The following ADAMTSL3 variants were observed in gnomAD, a reference collection of about 807,000 sequenced individuals.
ADAMTSL3 encodes ADAMTS like 3, also known as ADAMTS-like protein 3.
ADAMTSL3 carries 128 observed loss-of-function variants against 201.7 expected under a neutral mutation model. That is an observed-to-expected ratio of 0.63 (90% confidence interval 0.55 to 0.73). The LOEUF (loss-of-function observed/expected upper bound fraction) is 0.73, where lower values mean the gene tolerates loss of function less well. Ranked by LOEUF, ADAMTSL3 falls within the 30% of genes least tolerant of loss-of-function variation. The pLI is 0.00. For missense variants in ADAMTSL3, 1,990 were observed against 2,119.6 expected (o/e 0.94, Z 1.20); for synonymous variants, 738 against 748.4 (o/e 0.99, Z 0.23).
At chr15:84,005,863 A>G (rs1272597165) in intron 23 of ADAMTSL3, among the ~76,000 whole-genome samples, 1 of 152,230 alleles carries the variant, frequency 6.6e-6, no homozygotes, top group African/African-American at 2.4e-5. Context: ...TCTAAACATG[A>G]GTTTACTAGA....
At chr15:83,940,230 G>A (rs556478268) in intron 17 of ADAMTSL3, among the ~76,000 whole-genome samples, 11 of 152,290 alleles carry the variant, frequency 7.2e-5, no homozygotes, top group South Asian at 2.1e-4. Context: ...AGATTACAGC[G>A]TACTTTCTAA....
chr15:84,010,597 C>A (rs2067990816), intron 23 of ADAMTSL3, among the ~76,000 whole-genome samples: 2 of 152,040 alleles, frequency 1.3e-5, no homozygotes, highest in Non-Finnish European at 2.9e-5. Flanking sequence ...TAAAAGAATT[C>A]TGGTCATAGA....
At chr15:83,692,030 A>G (rs1015966367) in intron 2 of ADAMTSL3, among the ~76,000 whole-genome samples, 3 of 152,236 alleles carry the variant, frequency 2.0e-5, no homozygotes, top group Admixed American at 2.0e-4. Flanking sequence ...ACCTTAAAAT[A>G]TGCCAACTTA....
chr15:83,826,016 C>T (rs1414333076), intron 6 of ADAMTSL3, among the ~76,000 whole-genome samples: 2 of 152,110 alleles, frequency 1.3e-5, no homozygotes, highest in Admixed American at 6.6e-5. Context: ...AGGATCTAGC[C>T]AAACAGTAGA....
Position 83,688,250 on chromosome 15 carries a change from G to A in ADAMTSL3, c.70-16139G>A, listed in dbSNP as rs142468558. Among the ~76,000 whole-genome samples the A allele has an allele frequency of 5.9e-5, 9 of 152,302 alleles. No individual in the cohort carries two copies. The East Asian group carries it at 1.7e-3, about 29-fold the overall frequency. On this transcript the variant is annotated intron_variant, in intron 2 of 29. Coordinates refer to ENST00000286744, the MANE Select transcript of ADAMTSL3 (RefSeq NM_207517.3). ...ATCTGTAAAATTTCTAACTTCTAAG[G>A]AGGAAGATGAAAAGATTTCTGGAGT... is the stretch of plus-strand genomic sequence containing the variant.
At chr15:83,787,834 T>C (rs1423327786) in intron 4 of ADAMTSL3, among the ~76,000 whole-genome samples, 1 of 151,742 alleles carries the variant, frequency 6.6e-6, no homozygotes, top group African/African-American at 2.4e-5. Flanking sequence ...CCCCCTCCTC[T>C]TTCTCCTTTC....
At chr15:83,823,207 AGAGGGTGAGGGG>A (rs1474350195) in intron 6 of ADAMTSL3, among the ~76,000 whole-genome samples, 4 of 63,036 alleles carry the variant, frequency 6.3e-5, no homozygotes, top group Admixed American at 2.1e-4. Context: ...AGGGTGAGGG[AGAGGGTGAGGGG>A]GAGGGGGAGG....
At chr15:83,907,947 A>G (rs956813616) in intron 15 of ADAMTSL3, among the ~76,000 whole-genome samples, 6 of 152,150 alleles carry the variant, frequency 3.9e-5, no homozygotes, top group African/African-American at 1.4e-4. Context: ...TCTTTGAGAA[A>G]TCTCCATGGA....
At chr15:83,894,891 C>T (rs987683760) in intron 13 of ADAMTSL3, among the ~76,000 whole-genome samples, 1 of 152,036 alleles carries the variant, frequency 6.6e-6, no homozygotes, top group African/African-American at 2.4e-5. Flanking sequence ...TTTGAATACA[C>T]ACTTAGTTCA....
chr15:83,927,700 T>G (rs2066274552), intron 17 of ADAMTSL3, among the ~76,000 whole-genome samples: 1 of 152,176 alleles, frequency 6.6e-6, no homozygotes, highest in Admixed American at 6.5e-5. Flanking sequence ...ATACACTAAA[T>G]AAATTGCATA....
At chr15:83,887,900 A>G (rs1414175903) in intron 10 of ADAMTSL3, among the ~76,000 whole-genome samples, 1 of 151,586 alleles carries the variant, frequency 6.6e-6, no homozygotes, top group Non-Finnish European at 1.5e-5. Context: ...TCAAACATCT[A>G]TTTTTTTTTA....
intron 15 of ADAMTSL3, among the ~76,000 whole-genome samples, chr15:83,903,969 A>AGGAGGG (rs1567226223): frequency 1.1e-5 from 1 of 89,674 alleles, no homozygotes; most frequent in Non-Finnish European, 2.4e-5. Flanking sequence ...AGAAAGAAAG[A>AGGAGGG]AAAGGAGCTA....
intron 20 of ADAMTSL3, among the ~76,000 whole-genome samples, chr15:83,976,467 C>T (rs1229355638): frequency 6.6e-6 from 1 of 151,990 alleles, no homozygotes; most frequent in Non-Finnish European, 1.5e-5. Context: ...GTATTGTGTA[C>T]TTTCTTTATA....
At chr15:83,744,662 T>C (rs2062514618) in intron 3 of ADAMTSL3, among the ~76,000 whole-genome samples, 2 of 152,200 alleles carry the variant, frequency 1.3e-5, no homozygotes, top group African/African-American at 4.8e-5. Flanking sequence ...TTAAGTATAG[T>C]CACCTGTGTT....
chr15:83,908,770 T>C (rs942239494), intron 15 of ADAMTSL3, among the ~76,000 whole-genome samples: 7 of 152,218 alleles, frequency 4.6e-5, no homozygotes, highest in Non-Finnish European at 8.8e-5. Context: ...AACTTAGCGG[T>C]GTAAAACAAC....
chr15:83,797,259 G>GAATCTGC (rs1436497087), intron 4 of ADAMTSL3, among the ~76,000 whole-genome samples: 3 of 152,122 alleles, frequency 2.0e-5, no homozygotes, highest in Admixed American at 2.0e-4. Flanking sequence ...CATAGAAGGT[G>GAATCTGC]AATCTGCATA....
intron 15 of ADAMTSL3, among the ~76,000 whole-genome samples, chr15:83,908,534 C>T (rs2141947259): frequency 6.6e-6 from 1 of 152,234 alleles, no homozygotes; most frequent in South Asian, 2.1e-4. Context: ...ATTTGAATAA[C>T]AGTTTTACTG....
Position 83,983,269 on chromosome 15 carries a change from T to C in ADAMTSL3, c.3641T>C (p.Leu1214Pro). 1 of 1,609,302 alleles carries C rather than the reference T, an allele frequency of 6.2e-7. No homozygotes were observed. ...ITKRTEVINILCDLITPSEAT... is the reference protein window; with the variant it reads ...ITKRTEVINIPCDLITPSEAT... The stretch of plus-strand genomic sequence containing the variant: ...AAAAGGACAGAGGTCATCAATATAC[T>C]GTGTGACCTTATTACCCCCAGTGAG... The change falls in exon 21 of 30, where the codon CTG becomes CCG. Residue 1214 changes from leucine (L) to proline (P), a missense_variant. Transcript: ENST00000286744.
intron 27 of ADAMTSL3, 136 bp from the exon 28 acceptor site, chr15:84,031,199 A>C: frequency 1.2e-6 from 1 of 804,500 alleles, no homozygotes; most frequent in South Asian, 1.6e-5. Context: ...AATCCTCTTT[A>C]ACTCCCCCCT....
Sources: allele counts gnomAD v4.1 joint callset (sites outside exome capture counted in the v4.1 genomes callset), GRCh38; gene constraint gnomAD v4.1.1; transcripts MANE v1.5; gene names NCBI Gene and HGNC (gene_info 2026-07-23, HGNC 2026-07-21).